ADAM17: variants seen among roughly 807,000 people sequenced by gnomAD.
The protein encoded by ADAM17 is ADAM metallopeptidase domain 17, also known as disintegrin and metalloproteinase domain-containing protein 17.
In ADAM17, 39 loss-of-function variants were observed where a neutral mutation model predicts 96.7. The observed-to-expected ratio is 0.40, with a 90% CI of 0.31 to 0.53. The LOEUF is 0.53. Ranked by LOEUF, ADAM17 falls within the 20% of genes least tolerant of loss-of-function variation. The probability of loss-of-function intolerance (pLI) is 0.44; values close to 1 mark genes in which losing one functional copy is unlikely to be tolerated. For missense variants in ADAM17, 777 were observed against 1,013.2 expected, an observed-to-expected ratio of 0.77 and a Z score of 3.17; for synonymous variants, 344 against 359.2, an observed-to-expected ratio of 0.96 and a Z score of 0.48.
chr2:9,497,491 G>C (rs1355473926), intron 13 of ADAM17, among the ~76,000 whole-genome samples: 3 of 152,152 alleles, frequency 2.0e-5, no homozygotes, highest in African/African-American at 4.8e-5. Flanking sequence ...TAGAATGCAT[G>C]GTCTCCACTT....
At chr2:9,506,879 A>G (rs1663438226) in intron 11 of ADAM17, 1 of 152,188 alleles carries the variant, frequency 6.6e-6, no homozygotes, top group South Asian at 2.1e-4. Context: ...GGAGAGCACT[A>G]ACGATAAAAG....
Position 9,523,313 on chromosome 2 carries a change from T to C in ADAM17, c.779A>G (p.Asp260Gly), listed in dbSNP as rs1664384627. The change falls in exon 7 of 19, where the codon GAC becomes GGC. Residue 260 changes from aspartate (D) to glycine (G), a missense_variant. By Grantham distance (94) the Asp-to-Gly change is moderately conservative. Transcript: ENST00000310823. ...ATCCCATGAAGTGTTCCGATAGATG[T>C]CATCAACTCTGTCAATTAGCTCTAT... ...YLIELIDRVD[D>G]IYRNTSWDNA... The C allele has an allele frequency of 6.2e-7, 1 of 1,612,916 alleles. No homozygotes were observed. The highest frequency in any genetic ancestry group is 2.2e-5 in the East Asian group (1 of 44,780).
At position 9,538,016 on chromosome 2, in the gene ADAM17, A is replaced by G. The variant is rs73913125; in HGVS notation, c.231-1188T>C. ...GGAGGGGAGGGGAAGGGAGGGGAGGAGAGGGGAGGGGGTATACACTTCAGT... is the reference window on the plus strand; with the variant it reads ...GGAGGGGAGGGGAAGGGAGGGGAGGGGAGGGGAGGGGGTATACACTTCAGT... On this transcript the variant is annotated intron_variant, in intron 2 of 18. Transcript: ENST00000310823. Among the ~76,000 whole-genome samples, 181 of 31,838 alleles carry G rather than the reference A, an allele frequency of 5.7e-3. 4 individuals are homozygous for G. Among genetic ancestry groups the G allele is most frequent in the African/African-American group, 7.7e-3 (56 of 7,302 alleles). 20.9% of individuals were successfully genotyped at this position (31,838 alleles called of 152,430 possible). A position where few individuals can be genotyped will look rare whatever the true frequency, so the allele number is the denominator to read the frequency against.
intron 13 of ADAM17, 114 bp downstream of exon 13, chr2:9,502,059 G>T: frequency 1.1e-6 from 1 of 928,656 alleles, no homozygotes; most frequent in Non-Finnish European, 1.7e-6. Context: ...ACTCAACCCG[G>T]CATATGAGAT....
intron 10 of ADAM17, among the ~76,000 whole-genome samples, chr2:9,515,760 AAAAAG>A (rs1664027535): frequency 1.3e-5 from 2 of 151,698 alleles, no homozygotes; most frequent in African/African-American, 2.4e-5. Context: ...AAGAAAAAAG[AAAAAG>A]AAAAGAAACT....
Position 9,536,749 on chromosome 2 carries a change from C to T in ADAM17, c.310G>A (p.Glu104Lys), listed in dbSNP as rs745314265. The T allele has an allele frequency of 1.8e-5, 29 of 1,614,042 alleles. No individual in the cohort carries two copies. The highest frequency in any genetic ancestry group is 3.3e-5 in the Admixed American group (2 of 60,022). The change falls in exon 3 of 19, where the codon GAA (glutamate) becomes AAA (lysine). Residue 104 changes from glutamate (E) to lysine (K), a missense_variant. Transcript: ENST00000310823. ...TGCCATTTTACAGTGTACTCGCTTT[C>T]GTTTTTACCATCCACCACCACGACC... ...FKVVVVDGKNESEYTVKWQDF... is the reference protein window; with the variant it reads ...FKVVVVDGKNKSEYTVKWQDF...
chr2:9,523,555 A>G (rs937796541), intron 6 of ADAM17, among the ~76,000 whole-genome samples: 1 of 152,254 alleles, frequency 6.6e-6, no homozygotes, highest in African/African-American at 2.4e-5. Flanking sequence ...AAACAATGGT[A>G]TAGTTTAACC....
chr2:9,518,081 C>T (rs1664145387), intron 9 of ADAM17, 22 bp downstream of exon 9: 4 of 1,576,550 alleles, frequency 2.5e-6, no homozygotes, highest in Admixed American at 2.0e-5. Context: ...AGCATATTCA[C>T]ACAAGAAATG....
At position 9,517,998 on chromosome 2, in the gene ADAM17, A is replaced by C; in HGVS notation, c.1103-9T>G. 1 of 1,590,528 alleles carries C rather than the reference A, an allele frequency of 6.3e-7. No individual in the cohort carries two copies. Among genetic ancestry groups the C allele is most frequent in the Admixed American group, 1.9e-5 (1 of 53,566 alleles). On this transcript the variant is annotated splice_polypyrimidine_tract_variant and intron_variant, in intron 9 of 18. Coordinates refer to ENST00000310823, the MANE Select transcript of ADAM17 (RefSeq NM_003183.6). ...AACTGGGCTATAATAAGCTAAAGTC[A>C]AAAGGAAACAGAGATAAATTGCTTA...
chr2:9,527,306 A>AC (rs35386633), intron 5 of ADAM17, among the ~76,000 whole-genome samples: 21,775 of 152,034 alleles, frequency 0.14, 1,653 homozygotes, highest in Non-Finnish European at 0.16. Context: ...ACAAAACAAA[A>AC]CAAAAAACCT....
intron 2 of ADAM17, among the ~76,000 whole-genome samples, chr2:9,540,224 G>A (rs1056692477): frequency 1.3e-5 from 2 of 151,976 alleles, no homozygotes; most frequent in African/African-American, 4.8e-5. Flanking sequence ...CTCTTCCTTC[G>A]CTCCTACTTA....
chr2:9,522,743 G>C (rs1433920003), intron 7 of ADAM17, among the ~76,000 whole-genome samples: 1 of 152,072 alleles, frequency 6.6e-6, no homozygotes, highest in East Asian at 1.9e-4. Flanking sequence ...CTTTTAATAT[G>C]AGCTATTATT....
At position 9,543,346 on chromosome 2, in the gene ADAM17, A is replaced by G. The variant is rs974127424; in HGVS notation, c.98-61T>C. The G allele has an allele frequency of 1.8e-5, 24 of 1,365,666 alleles. No individual in the cohort carries two copies. In the South Asian group the frequency reaches 3.0e-4, roughly 17 times the overall value. 84.6% of individuals were successfully genotyped at this position (1,365,666 alleles called of 1,614,324 possible). On this transcript the variant is annotated intron_variant, in intron 1 of 18. Coordinates refer to ENST00000310823, the MANE Select transcript of ADAM17 (RefSeq NM_003183.6). ...CCTAATAATCAATTGTAGTATCGTTAAAATGAGAGTGCCAGACAATAAATC... is the reference window on the plus strand; with the variant it reads ...CCTAATAATCAATTGTAGTATCGTTGAAATGAGAGTGCCAGACAATAAATC...
At chr2:9,544,457 A>T (rs1348025661) in intron 1 of ADAM17, among the ~76,000 whole-genome samples, 1 of 152,138 alleles carries the variant, frequency 6.6e-6, no homozygotes, top group Non-Finnish European at 1.5e-5. Flanking sequence ...CCCAGGAGGC[A>T]GATGTTGCAG....
At chr2:9,497,539 T>A (rs1488175572) in intron 13 of ADAM17, among the ~76,000 whole-genome samples, 1 of 152,224 alleles carries the variant, frequency 6.6e-6, no homozygotes. Flanking sequence ...ATATCCTATG[T>A]GCTATTACTT....
chr2:9,490,368 T>A lies in ADAM17; in HGVS notation c.2284A>T (p.Ile762Phe), dbSNP rs1558489720. 3.7e-6 allele frequency: 6 copies of A among 1,614,164 alleles called. No individual in the cohort carries two copies. The highest frequency in any genetic ancestry group is 3.3e-4 in the Middle Eastern group (2 of 6,062). ...GAGTCTGTGCTGGGGTCTTCCTGGA[T>A]GGTGTCCATTCTCTGGTGGTCCAGT... ...PKLDHQRMDT[I>F]QEDPSTDSHM... The change falls in exon 19 of 19, where the codon ATC (isoleucine) becomes TTC (phenylalanine). Residue 762 changes from isoleucine to phenylalanine, a missense_variant. By Grantham distance (21) the Ile-to-Phe change is conservative (BLOSUM62 0). Around this residue, in one of 3 missense-constraint regions of ADAM17, gnomAD observed 197 missense variants for 219.4 expected, o/e 0.90. Coordinates refer to ENST00000310823, the MANE Select transcript of ADAM17 (RefSeq NM_003183.6).
intron 4 of ADAM17, among the ~76,000 whole-genome samples, chr2:9,535,604 A>G (rs576663414): frequency 6.6e-6 from 1 of 152,334 alleles, no homozygotes; most frequent in Non-Finnish European, 1.5e-5. Context: ...TCTTCCTATT[A>G]TCCATCCCAC....
At chr2:9,504,877 TTCTTA>T (rs1049205522) in intron 12 of ADAM17, among the ~76,000 whole-genome samples, 9 of 152,118 alleles carry the variant, frequency 5.9e-5, no homozygotes, top group African/African-American at 2.2e-4. Context: ...GCTTCTTCTT[TTCTTA>T]TTTGTTTTTT....
chr2:9,506,369 T>G (rs906626056), intron 11 of ADAM17, among the ~76,000 whole-genome samples: 2 of 144,170 alleles, frequency 1.4e-5, no homozygotes, highest in Admixed American at 6.9e-5. Flanking sequence ...GTTTTTTTTT[T>G]TTTTTTTTTT....
Sources: gnomAD v4.1 joint callset for allele counts (sites outside exome capture counted in the v4.1 genomes callset) on GRCh38, gnomAD v4.1.1 for gene constraint, gnomAD v4.1.1 regional missense constraint, MANE v1.5 for transcripts, NCBI Gene and HGNC (gene_info 2026-07-23, HGNC 2026-07-21) for gene names.